The following DYNC1I1 variants were observed in gnomAD, a reference collection of about 807,000 sequenced individuals.
DYNC1I1 encodes the protein dynein cytoplasmic 1 intermediate chain 1, also known as cytoplasmic dynein 1 intermediate chain 1.
Under a neutral mutation model 86.6 loss-of-function variants are expected in DYNC1I1, and 43 were observed. The observed-to-expected ratio is 0.50, with a 90% CI of 0.39 to 0.64. The LOEUF is 0.64. Ranked by LOEUF, DYNC1I1 falls within the 30% of genes least tolerant of loss-of-function variation. DYNC1I1 has a pLI of 0.00. For missense variants in DYNC1I1, 604 were observed against 788.8 expected, an observed-to-expected ratio of 0.77 and a Z score of 2.81; for synonymous variants, 262 against 283.7, an observed-to-expected ratio of 0.92 and a Z score of 0.77.
intron 16 of DYNC1I1, among the ~76,000 whole-genome samples, chr7:96,109,397 G>T (rs1189645174): frequency 2.3e-5 from 3 of 133,222 alleles, no homozygotes; most frequent in African/African-American, 8.7e-5. Flanking sequence ...GTTGACTTCT[G>T]CTTTTCATTA....
intron 6 of DYNC1I1, among the ~76,000 whole-genome samples, chr7:95,974,420 A>G (rs319304): frequency 0.26 from 40,072 of 152,018 alleles, 5,813 homozygotes; most frequent in East Asian, 0.66. Flanking sequence ...TTTAAAAAGC[A>G]ATTTTGTATT....
At chr7:95,847,172 A>G (rs1382572615) in intron 5 of DYNC1I1, among the ~76,000 whole-genome samples, 1 of 152,138 alleles carries the variant, frequency 6.6e-6, no homozygotes, top group Middle Eastern at 3.2e-3. Context: ...TTCACCCTCC[A>G]TATCAAGTAA....
At chr7:95,891,214 C>A (rs767018853) in intron 6 of DYNC1I1, among the ~76,000 whole-genome samples, 1 of 152,188 alleles carries the variant, frequency 6.6e-6, no homozygotes, top group Non-Finnish European at 1.5e-5. Flanking sequence ...CTGACACCTT[C>A]ACTTGGATTT....
chr7:95,971,395 A>G (rs1793166620), intron 6 of DYNC1I1, among the ~76,000 whole-genome samples: 1 of 152,242 alleles, frequency 6.6e-6, no homozygotes, highest in Non-Finnish European at 1.5e-5. Context: ...ATTTAAAAAT[A>G]TGTTATAAGA....
chr7:95,804,362 A>C (rs1794655271), intron 1 of DYNC1I1: 1 of 1,276,372 alleles, frequency 7.8e-7, no homozygotes, highest in Non-Finnish European at 1.0e-6. Flanking sequence ...CTAAATTGGA[A>C]GTCATGATGA....
intron 6 of DYNC1I1, among the ~76,000 whole-genome samples, chr7:95,905,540 CCTT>C (rs1251507193): frequency 6.6e-6 from 1 of 152,106 alleles, no homozygotes; most frequent in Non-Finnish European, 1.5e-5. Context: ...CTAATATTGC[CCTT>C]CTTCTTTCCT....
At chr7:96,100,650 T>TTGTGTGTGTGTGTGTGTGTGTGTG (rs57129262), downstream of DYNC1I1, among the ~76,000 whole-genome samples, 294 of 142,934 alleles carry the variant, frequency 2.1e-3, no homozygotes, top group Middle Eastern at 7.0e-3. Context: ...TTTGAGGGTT[T>TTGTGTGTGTGTGTGTGTGTGTGTG]TGTGTGTGTG....
intron 6 of DYNC1I1, among the ~76,000 whole-genome samples, chr7:95,927,734 A>C (rs1791783261): frequency 1.3e-5 from 2 of 152,188 alleles, no homozygotes; most frequent in South Asian, 2.1e-4. Flanking sequence ...TCTAACCGTT[A>C]GTTTGAAATC....
chr7:96,032,868 C>T lies in DYNC1I1; in HGVS notation c.1230+88C>T, dbSNP rs1794845782. 3 of 1,138,104 alleles carry T rather than the reference C, an allele frequency of 2.6e-6. No homozygotes were observed. In the East Asian group the frequency reaches 7.2e-5, roughly 27 times the overall value. 70.5% of individuals were successfully genotyped at this position (1,138,104 alleles called of 1,614,324 possible). A position where few individuals can be genotyped will look rare whatever the true frequency, so the allele number is the denominator to read the frequency against. On this transcript the variant is annotated intron_variant, in intron 12 of 16. Coordinates refer to ENST00000447467, the MANE Select transcript of DYNC1I1 (RefSeq NM_001135556.2). ...ACATAGTTCCTAAAAGCCAAACCCT[C>T]ACATCCTAGAGGAGCTAAAACAAAT...
intron 10 of DYNC1I1, among the ~76,000 whole-genome samples, chr7:96,026,006 TA>T (rs1179469974): frequency 1.3e-5 from 2 of 152,046 alleles, no homozygotes; most frequent in Non-Finnish European, 2.9e-5. Flanking sequence ...TCTGAAGCTT[TA>T]AAAAAAAGTT....
intron 6 of DYNC1I1, among the ~76,000 whole-genome samples, chr7:95,936,206 TATAAA>T (rs1246409033): frequency 3.3e-5 from 5 of 152,036 alleles, no homozygotes; most frequent in African/African-American, 1.2e-4. Flanking sequence ...GTATTTGTCA[TATAAA>T]ATAAAGAACT....
intron 7 of DYNC1I1, among the ~76,000 whole-genome samples, chr7:95,979,332 G>A (rs1160468892): frequency 6.6e-6 from 1 of 151,784 alleles, no homozygotes; most frequent in Non-Finnish European, 1.5e-5. Flanking sequence ...ACCTTTTTTT[G>A]CCTCAGTTTC....
chr7:95,882,207 G>A (rs1790471632), intron 6 of DYNC1I1, among the ~76,000 whole-genome samples: 1 of 151,974 alleles, frequency 6.6e-6, no homozygotes, highest in Non-Finnish European at 1.5e-5. Context: ...ATGACAAAAT[G>A]GTTGGAAAAA....
chr7:96,107,896 A>G (rs1250629489), intron 16 of DYNC1I1, among the ~76,000 whole-genome samples: 2 of 112,192 alleles, frequency 1.8e-5, no homozygotes, highest in Non-Finnish European at 1.8e-5. Context: ...TTTTTGGAGT[A>G]CTTTGAATAT....
intron 6 of DYNC1I1, among the ~76,000 whole-genome samples, chr7:95,963,607 C>A (rs1792930517): frequency 6.6e-6 from 1 of 152,154 alleles, no homozygotes; most frequent in Non-Finnish European, 1.5e-5. Flanking sequence ...TTTGTTGCCA[C>A]AGTTTCATTC....
At chr7:95,948,939 A>C (rs1435083302) in intron 6 of DYNC1I1, among the ~76,000 whole-genome samples, 7 of 152,160 alleles carry the variant, frequency 4.6e-5, no homozygotes, top group Non-Finnish European at 8.8e-5. Context: ...GGTTTATAGG[A>C]TGATGTTGTA....
chr7:96,057,945 C>A (rs969081393), intron 14 of DYNC1I1, among the ~76,000 whole-genome samples: 7 of 152,160 alleles, frequency 4.6e-5, no homozygotes, highest in African/African-American at 1.7e-4. Context: ...ACACAACTGA[C>A]CCCCATGGAC....
At chr7:96,079,490 G>T (rs1212321844) in intron 15 of DYNC1I1, among the ~76,000 whole-genome samples, 6 of 152,142 alleles carry the variant, frequency 3.9e-5, no homozygotes, top group Non-Finnish European at 7.4e-5. Flanking sequence ...CTGATAATGG[G>T]AGAGAGGTAG....
Position 95,967,331 on chromosome 7 carries a change from C to T in DYNC1I1, c.491-10181C>T, listed in dbSNP as rs548267053. On this transcript the variant is annotated intron_variant, in intron 6 of 16. Coordinates refer to ENST00000447467, the MANE Select transcript of DYNC1I1 (RefSeq NM_001135556.2). ...GAAGAAATCCCGCCAACAGGTAGAG[C>T]AGGAACAATTTGGGGAACTGGGGGG... 2.0e-5 allele frequency among the ~76,000 whole-genome samples: 3 copies of T among 152,264 alleles called. No homozygotes were observed. The East Asian group carries it at 5.8e-4, about 29-fold the overall frequency.
Sources: allele counts gnomAD v4.1 joint callset (sites outside exome capture counted in the v4.1 genomes callset), GRCh38; gene constraint gnomAD v4.1.1; transcripts MANE v1.5; gene names NCBI Gene and HGNC (gene_info 2026-07-23, HGNC 2026-07-21).